CDH3: variants seen among roughly 807,000 people sequenced by gnomAD.
CDH3 encodes the protein cadherin 3.
A neutral mutation model predicts 82.0 loss-of-function variants in CDH3; 54 were observed. The ratio of observed to expected loss-of-function variants is 0.66; its 90% CI spans 0.53 to 0.83. The LOEUF (loss-of-function observed/expected upper bound fraction) is 0.83, where lower values mean the gene tolerates loss of function less well. CDH3 is among the 40% of genes least tolerant of loss of function. CDH3 has a pLI of 0.00. For synonymous variants in CDH3, 446 were observed against 437.9 expected, an observed-to-expected ratio of 1.02 and a Z score of -0.23; for missense variants, 1,054 against 1,084.6, an observed-to-expected ratio of 0.97 and a Z score of 0.40.
At chr16:68,708,047 A>G (rs1961986128) in intron 1 of CDH3, among the ~76,000 whole-genome samples, 1 of 151,722 alleles carries the variant, frequency 6.6e-6, no homozygotes, top group Non-Finnish European at 1.5e-5. Context: ...AGAATGATAG[A>G]CTGGGCGCAG....
At chr16:68,649,136 A>G (rs369936360) in intron 2 of CDH3, among the ~76,000 whole-genome samples, 1 of 152,104 alleles carries the variant, frequency 6.6e-6, no homozygotes, top group African/African-American at 2.4e-5. Flanking sequence ...TGAGTGACCT[A>G]CAGTGGTCTA....
At position 68,676,421 on chromosome 16, in the gene CDH3, T is replaced by G; in HGVS notation, c.197T>G (p.Phe66Cys). Residue 66 changes from phenylalanine (F) to cysteine (C), a missense_variant, in exon 3 of 16, where the codon TTT becomes TGT. Transcript: ENST00000264012. ...MGCPGQEPAL[F>C]STDNDDFTVR... Reference sequence around the variant, plus strand: ...TGCCCTGGGCAAGAGCCAGCTCTGTTTAGCACTGATAATGATGACTTCACT... The same window carrying G: ...TGCCCTGGGCAAGAGCCAGCTCTGTGTAGCACTGATAATGATGACTTCACT... 6.2e-7 allele frequency: 1 copy of G among 1,614,112 alleles called. No individual in the cohort carries two copies. The highest frequency in any genetic ancestry group is 8.5e-7 in the Non-Finnish European group (1 of 1,179,962).
intron 1 of CDH3, among the ~76,000 whole-genome samples, chr16:68,720,746 C>T (rs1054991413): frequency 1.3e-5 from 2 of 151,762 alleles, no homozygotes; most frequent in South Asian, 2.1e-4. Context: ...CTCCCAAGCC[C>T]GAGTAGCTGG....
At chr16:68,689,407 A>G (rs1961502178) in intron 12 of CDH3, among the ~76,000 whole-genome samples, 1 of 152,120 alleles carries the variant, frequency 6.6e-6, no homozygotes, top group South Asian at 2.1e-4. Context: ...GTGGTAGCAC[A>G]TGCCTGTAAT....
chr16:68,694,332 A>T (rs1166064661), intron 13 of CDH3, among the ~76,000 whole-genome samples: 1 of 150,432 alleles, frequency 6.6e-6, no homozygotes, highest in Non-Finnish European at 1.5e-5. Context: ...AAAAAAAAAA[A>T]AAATTCCGGC....
intron 1 of CDH3, among the ~76,000 whole-genome samples, chr16:68,714,578 A>G (rs1405865670): frequency 6.6e-6 from 1 of 152,190 alleles, no homozygotes. Flanking sequence ...ACAGAATTGT[A>G]ATTGTCTCTT....
At position 68,692,106 on chromosome 16, in the gene CDH3, G is replaced by A. The variant is rs145296361; in HGVS notation, c.2002+180G>A. The stretch of plus-strand genomic sequence containing the variant: ...GGCTGGAATGCAGTGGCATGATCTC[G>A]GCTCATTGCAACTTCTGCCTCCCAG... On this transcript the variant is annotated intron_variant, in intron 13 of 15. Coordinates refer to ENST00000264012, the MANE Select transcript of CDH3 (RefSeq NM_001793.6). Among the ~76,000 whole-genome samples, 970 of 152,174 alleles carry A rather than the reference G, an allele frequency of 6.4e-3. 19 individuals carry two copies. Among genetic ancestry groups the A allele is most frequent in the African/African-American group, 0.022 (906 of 41,516 alleles).
intron 1 of CDH3, among the ~76,000 whole-genome samples, chr16:68,715,973 T>G (rs1962090685): frequency 6.6e-6 from 1 of 152,204 alleles, no homozygotes; most frequent in Non-Finnish European, 1.5e-5. Context: ...ACATTGCTTG[T>G]AAGACTAAGC....
Position 68,676,560 on chromosome 16 carries a change from C to T in CDH3, c.246+90C>T, listed in dbSNP as rs1961041174. ...GCCAGGAGCCCTTGGTTGCTGTGGC[C>T]ATTGTGAGCCAAGTCAGCCCTTCAG... is the stretch of plus-strand genomic sequence containing the variant. On this transcript the variant is annotated intron_variant, in intron 3 of 15. Transcript: ENST00000264012. 7.1e-6 allele frequency: 7 copies of T among 986,782 alleles called. No individual in the cohort carries two copies. The South Asian group carries it at 9.3e-5, about 13-fold the overall frequency. The allele number at this position is 986,782 out of a possible 1,614,324, so 61.1% of individuals were successfully genotyped here.
intron 7 of CDH3, 67 bp from the exon 8 acceptor site, chr16:68,680,901 C>T: frequency 6.3e-7 from 1 of 1,586,746 alleles, no homozygotes; most frequent in South Asian, 1.1e-5. Flanking sequence ...CCAGTGCTTC[C>T]TGGAGGTCAG....
chr16:68,671,079 AC>A (rs1160261750), intron 2 of CDH3, among the ~76,000 whole-genome samples: 1 of 152,228 alleles, frequency 6.6e-6, no homozygotes, highest in African/African-American at 2.4e-5. Context: ...TCTCAAAAAA[AC>A]AAAAACAAAA....
At chr16:68,681,232 A>G in intron 8 of CDH3, 136 bp downstream of exon 8, 1 of 882,050 alleles carries the variant, frequency 1.1e-6, no homozygotes, top group Non-Finnish European at 1.9e-6. Flanking sequence ...TAGGAAAACT[A>G]CCTAACCTCT....
intron 2 of CDH3, among the ~76,000 whole-genome samples, chr16:68,672,204 AT>A (rs1567444930): frequency 2.0e-5 from 3 of 148,772 alleles, no homozygotes; most frequent in South Asian, 2.1e-4. Context: ...AAAAAAAAAA[AT>A]AAATAAATAA....
chr16:68,654,713 A>AAAAATAT (rs113117523), intron 2 of CDH3, among the ~76,000 whole-genome samples: 3 of 91,112 alleles, frequency 3.3e-5, no homozygotes, highest in African/African-American at 1.3e-4. Context: ...AAAAAAAAAA[A>AAAAATAT]ATATATATAT....
At chr16:68,694,300 G>A (rs1373849447) in intron 13 of CDH3, among the ~76,000 whole-genome samples, 4 of 125,654 alleles carry the variant, frequency 3.2e-5, no homozygotes, top group African/African-American at 6.2e-5. Context: ...GCAACAGAGC[G>A]AGACTCCCTC....
chr16:68,651,391 G>A, intron 2 of CDH3: 1 of 551,496 alleles, frequency 1.8e-6, no homozygotes, highest in Non-Finnish European at 3.7e-6. Context: ...CTGTAGAGAT[G>A]CCTCCTTGTG....
intron 2 of CDH3, among the ~76,000 whole-genome samples, chr16:68,670,904 C>G (rs1343273286): frequency 1.3e-5 from 2 of 152,006 alleles, no homozygotes; most frequent in Non-Finnish European, 2.9e-5. Context: ...GAAACCCTGT[C>G]TCTACTAAGA....
downstream of CDH3, among the ~76,000 whole-genome samples, chr16:68,728,134 C>T (rs993134254): frequency 1.3e-5 from 2 of 150,368 alleles, no homozygotes; most frequent in Non-Finnish European, 3.0e-5. Context: ...GTTTACTTGT[C>T]TCCATCCCAC....
chr16:68,665,907 G>A (rs531621537), intron 2 of CDH3, among the ~76,000 whole-genome samples: 11 of 151,864 alleles, frequency 7.2e-5, no homozygotes, highest in East Asian at 1.9e-4. Flanking sequence ...TTTTCTAGTC[G>A]GGGGAAAAAC....
Sources: allele counts gnomAD v4.1 joint callset (sites outside exome capture counted in the v4.1 genomes callset), GRCh38; gene constraint gnomAD v4.1.1; transcripts MANE v1.5; gene names NCBI Gene and HGNC (gene_info 2026-07-23, HGNC 2026-07-21).